The following SEC31B variants were observed in gnomAD, a reference collection of about 807,000 sequenced individuals.
SEC31B encodes the protein SEC31 homolog B, COPII component.
Under a neutral mutation model 135.0 loss-of-function variants are expected in SEC31B, and 113 were observed. The ratio of observed to expected loss-of-function variants is 0.84; its 90% CI spans 0.72 to 0.98. The LOEUF is 0.98. Ranked by LOEUF, SEC31B falls within the 50% of genes least tolerant of loss-of-function variation. The pLI is 0.00. For missense variants in SEC31B, 1,296 were observed against 1,421.1 expected, an observed-to-expected ratio of 0.91 and a Z score of 1.42; for synonymous variants, 508 against 549.4, an observed-to-expected ratio of 0.92 and a Z score of 1.05.
Position 100,499,193 on chromosome 10 carries a change from G to C in SEC31B, c.1551C>G (p.Leu517=), listed in dbSNP as rs1187689674. Residue 517 remains leucine, a synonymous_variant, in exon 13 of 26, where the codon CTC becomes CTG. Coordinates refer to ENST00000370345, the MANE Select transcript of SEC31B (RefSeq NM_015490.4). ...AGAAGGCCTGTTGTCTGTCACTGTTGAGGTCATTTCCCTTGGGCTGAGGAC... is the reference window on the plus strand; with the variant it reads ...AGAAGGCCTGTTGTCTGTCACTGTTCAGGTCATTTCCCTTGGGCTGAGGAC... The part of the protein sequence containing the change: ...GESPQPKGND[L]NSDRQQAFCS... 1.2e-6 allele frequency: 2 copies of C among 1,614,042 alleles called. No individual in the cohort carries two copies. Among genetic ancestry groups the C allele is most frequent in the Non-Finnish European group, 1.7e-6 (2 of 1,179,992 alleles).
intron 9 of SEC31B, chr10:100,505,820 C>A (rs1638577175): frequency 2.1e-6 from 3 of 1,460,026 alleles, no homozygotes; most frequent in South Asian, 1.4e-5. Flanking sequence ...TACTACAGGG[C>A]CCATCCAATA....
intron 17 of SEC31B, 48 bp from the exon 18 acceptor site, chr10:100,496,479 T>G (rs1480823651): frequency 1.9e-6 from 3 of 1,597,574 alleles, no homozygotes. Context: ...AGGCATATCC[T>G]GCTCTCTAAG....
In SEC31B at chr10:100,508,996, G is replaced by T. The variant is rs778002597; in HGVS notation, c.495+11C>A. On this transcript the variant is annotated intron_variant, in intron 5 of 25. Transcript: ENST00000370345. ...CACACTCCAGGGTTGGGTAGTGGGG[G>T]TGCTGCTCACCTGTGACTTGGATCC... 1 of 1,607,138 alleles carries T rather than the reference G, an allele frequency of 6.2e-7. No homozygotes were observed. Among genetic ancestry groups the T allele is most frequent in the African/African-American group, 1.3e-5 (1 of 74,886 alleles).
rs1323117241 is a variant in SEC31B, at chr10:100,509,097, G to C, written c.405C>G (p.Asn135Lys). The C allele has an allele frequency of 1.2e-6, 2 of 1,613,796 alleles. No individual in the cohort carries two copies. The highest frequency in any genetic ancestry group is 2.7e-5 in the African/African-American group (2 of 74,904). Residue 135 changes from asparagine (N) to lysine (K), a missense_variant, in exon 5 of 26, where the codon AAC (asparagine) becomes AAG (lysine). Transcript: ENST00000370345. ...AATCGCTGGCCCCTGAAGCCAGGAG[G>C]TTGCCCTGTATGAATAAAAAGTGTT... Reference protein sequence around the residue: ...RALDLNPFQGNLLASGASDSE... With the variant: ...RALDLNPFQGKLLASGASDSE...
In SEC31B at chr10:100,487,526, G is replaced by A; in HGVS notation, c.*90C>T. The A allele has an allele frequency of 8.0e-7, 1 of 1,255,934 alleles. No homozygotes were observed. Among genetic ancestry groups the A allele is most frequent in the Non-Finnish European group, 1.1e-6 (1 of 901,868 alleles). The allele number at this position is 1,255,934 out of a possible 1,614,324, so 77.8% of individuals were successfully genotyped here. A position where few individuals can be genotyped will look rare whatever the true frequency, so the allele number is the denominator to read the frequency against. ...CAGCAAGGAAAAGAGTCGGGAAAAA[G>A]AAACAGAATCTGTTGCAGAAGTCCC... On this transcript the variant is annotated 3_prime_UTR_variant, in exon 26 of 26. Transcript: ENST00000370345.
In SEC31B at chr10:100,498,289, C is replaced by T. The variant is rs1589734002; in HGVS notation, c.1685-82G>A. ...CCCTGCAGGGCCCACAGCACACCCTCTATATCTCTATATCACTCAGTGTGC... is the reference window on the plus strand; with the variant it reads ...CCCTGCAGGGCCCACAGCACACCCTTTATATCTCTATATCACTCAGTGTGC... On this transcript the variant is annotated intron_variant, in intron 14 of 25. Coordinates refer to ENST00000370345, the MANE Select transcript of SEC31B (RefSeq NM_015490.4). 4.9e-6 allele frequency: 6 copies of T among 1,227,130 alleles called. No homozygotes were observed. In the African/African-American group the frequency reaches 9.0e-5, roughly 18 times the overall value. The allele number at this position is 1,227,130 out of a possible 1,614,324, so 76.0% of individuals were successfully genotyped here.
intron 3 of SEC31B, among the ~76,000 whole-genome samples, chr10:100,510,735 A>G (rs1200066709): frequency 2.0e-5 from 3 of 152,264 alleles, no homozygotes; most frequent in African/African-American, 7.2e-5. Flanking sequence ...GGTCAGAAGC[A>G]AAGTATGGAG....
At position 100,509,483 on chromosome 10, in the gene SEC31B, C is replaced by T. The variant is rs530263008; in HGVS notation, c.232G>A (p.Gly78Ser). The T allele has an allele frequency of 2.4e-5, 39 of 1,613,724 alleles. No homozygotes were observed. The East Asian group carries it at 7.8e-4, about 32-fold the overall frequency. The change falls in exon 4 of 26, where the codon GGC becomes AGC. Residue 78 changes from glycine (G) to serine (S), a missense_variant. Transcript: ENST00000370345. Reference protein sequence around the residue: ...RFHKLVWGSFGSGLLESSGVI... With the variant: ...RFHKLVWGSFSSGLLESSGVI... ...CCGGAGCTTTCCAGAAGCCCACTGC[C>T]AAAGCTCCCCCAGACCAGCTTGTGA...
rs1354362174 is a variant in SEC31B, at chr10:100,508,021, A to C, written c.526T>G (p.Trp176Gly). 4.3e-6 allele frequency: 7 copies of C among 1,614,106 alleles called. No individual in the cohort carries two copies. The highest frequency in any genetic ancestry group is 5.9e-6 in the Non-Finnish European group (7 of 1,180,044). Residue 176 changes from tryptophan (W) to glycine (G), a missense_variant, in exon 6 of 26, where the codon TGG becomes GGG. Physicochemically the swap from Trp to Gly is radical, Grantham distance 184. Coordinates refer to ENST00000370345, the MANE Select transcript of SEC31B (RefSeq NM_015490.4). ...AGAATGTGTTGGGCTTGCCGGTTCC[A>C]AGACAGTGCCTTGATGTCCTCTGGA... Reference protein sequence around the residue: ...QPPEDIKALSWNRQAQHILSS... With the variant: ...QPPEDIKALSGNRQAQHILSS...
At chr10:100,495,045 C>G in intron 19 of SEC31B, 1 of 316,986 alleles carries the variant, frequency 3.2e-6, no homozygotes, top group Non-Finnish European at 6.1e-6. Flanking sequence ...CTAGGATGGT[C>G]TCGAACTCCA....
chr10:100,504,302 G>A lies in SEC31B; in HGVS notation c.1179+1059C>T, dbSNP rs556154387. 9.9e-5 allele frequency among the ~76,000 whole-genome samples: 15 copies of A among 152,206 alleles called. No individual in the cohort carries two copies. The East Asian group carries it at 2.9e-3, about 29-fold the overall frequency. The stretch of plus-strand genomic sequence containing the variant: ...GTCTTGCCTCCCCAGTAAAACCGTT[G>A]GCTTTGAAAACAAGAACTTCCGCTT... On this transcript the variant is annotated intron_variant, in intron 10 of 25. Transcript: ENST00000370345.
At position 100,489,452 on chromosome 10, in the gene SEC31B, G is replaced by C. The variant is rs1353506345; in HGVS notation, c.3025-54C>G. 3.1e-6 allele frequency: 5 copies of C among 1,592,690 alleles called. No homozygotes were observed. The East Asian group carries it at 6.7e-5, about 21-fold the overall frequency. ...CTAACCTGAGAGACTCCATGGCTCT[G>C]GTTTTGGGGAGTGGCAGGAATGACA... On this transcript the variant is annotated intron_variant, in intron 22 of 25. Transcript: ENST00000370345.
At chr10:100,495,317 C>T (rs761659789) in intron 19 of SEC31B, 68 bp downstream of exon 19, 125 of 1,405,862 alleles carry the variant, frequency 8.9e-5, no homozygotes, top group Non-Finnish European at 1.2e-4. Flanking sequence ...CAATATATTC[C>T]AAGTGCCCAG....
In SEC31B at chr10:100,488,013, C is replaced by A; in HGVS notation, c.3360+14G>T. 2 of 1,611,152 alleles carry A rather than the reference C, an allele frequency of 1.2e-6. No homozygotes were observed. Among genetic ancestry groups the A allele is most frequent in the Non-Finnish European group, 1.7e-6 (2 of 1,177,318 alleles). On this transcript the variant is annotated intron_variant, in intron 25 of 25. Coordinates refer to ENST00000370345, the MANE Select transcript of SEC31B (RefSeq NM_015490.4). ...AGTGTAGGAGGCAGTGGGAGCACAG[C>A]TAGCTGTACTTACTGTCCCCTCACA...
At chr10:100,499,452 G>A in intron 12 of SEC31B, 72 bp downstream of exon 12, 1 of 1,281,760 alleles carries the variant, frequency 7.8e-7, no homozygotes, top group Non-Finnish European at 1.1e-6. Flanking sequence ...GGTATTCTGA[G>A]GTGGTTTACT....
At chr10:100,516,801 A>G in intron 2 of SEC31B, 73 bp downstream of exon 2, 1 of 1,144,234 alleles carries the variant, frequency 8.7e-7, no homozygotes, top group Non-Finnish European at 1.3e-6. Context: ...ATGTTCAATA[A>G]ATAATTCTAG....
chr10:100,502,562 G>A (rs1341119775), intron 10 of SEC31B, 78 bp from the exon 11 acceptor site: 8 of 876,818 alleles, frequency 9.1e-6, no homozygotes, highest in Non-Finnish European at 1.4e-5. Context: ...CACAGAGAAG[G>A]CTATCTAATG....
At chr10:100,515,978 C>G (rs1215960637) in intron 3 of SEC31B, 118 bp downstream of exon 3, 1 of 1,279,204 alleles carries the variant, frequency 7.8e-7, no homozygotes, top group Non-Finnish European at 1.1e-6. Flanking sequence ...TTTTCTCCAA[C>G]TTGGCAAAGC....
Position 100,497,467 on chromosome 10 carries a change from AACAGGACAAC to A in SEC31B, c.1990+190_1991-188del, listed in dbSNP as rs1383753199. On this transcript the variant is annotated intron_variant, in intron 16 of 25. Transcript: ENST00000370345. Reference sequence around the variant, plus strand: ...ATCATGGTGTGACAAGACAAGGTAAAACAGGACAACAAAGGATCCCCTCTGAAAATAGGGG... The same window carrying A: ...ATCATGGTGTGACAAGACAAGGTAAAAAAGGATCCCCTCTGAAAATAGGGG... The A allele has an allele frequency of 8.2e-6, 12 of 1,472,374 alleles. No homozygotes were observed. The East Asian group carries it at 2.9e-4, about 36-fold the overall frequency. 91.2% of individuals were successfully genotyped at this position (1,472,374 alleles called of 1,614,324 possible). A position where few individuals can be genotyped will look rare whatever the true frequency, so the allele number is the denominator to read the frequency against.
Sources: allele counts gnomAD v4.1 joint callset (sites outside exome capture counted in the v4.1 genomes callset), GRCh38; gene constraint gnomAD v4.1.1; transcripts MANE v1.5; gene names NCBI Gene and HGNC (gene_info 2026-07-23, HGNC 2026-07-21).